PDE7B: variants seen among roughly 807,000 people sequenced by gnomAD.
PDE7B encodes the protein phosphodiesterase 7B.
In PDE7B, 29 loss-of-function variants were observed where a neutral mutation model predicts 56.2. That is an observed-to-expected ratio of 0.52 (90% CI 0.38 to 0.70). PDE7B has a LOEUF of 0.70. Ranked by LOEUF, PDE7B falls within the 30% of genes least tolerant of loss-of-function variation. The pLI is 0.00. For missense variants in PDE7B, 490 were observed against 565.0 expected, an observed-to-expected ratio of 0.87 and a Z score of 1.35; for synonymous variants, 197 against 196.9, an observed-to-expected ratio of 1.00 and a Z score of 0.00.
chr6:136,073,879 A>G (rs1408574574), intron 2 of PDE7B, among the ~76,000 whole-genome samples: 1 of 152,240 alleles, frequency 6.6e-6, no homozygotes, highest in Non-Finnish European at 1.5e-5. Context: ...TTGTGAAAGT[A>G]CAATGCGCAG....
At chr6:136,075,286 A>G (rs994676532) in intron 2 of PDE7B, among the ~76,000 whole-genome samples, 3 of 152,188 alleles carry the variant, frequency 2.0e-5, no homozygotes, top group African/African-American at 4.8e-5. Flanking sequence ...CTAATACTAT[A>G]TAAATTATTA....
chr6:136,022,116 T>C (rs1373704821), intron 2 of PDE7B, among the ~76,000 whole-genome samples: 1 of 152,242 alleles, frequency 6.6e-6, no homozygotes, highest in African/African-American at 2.4e-5. Flanking sequence ...CTCTGCCTGG[T>C]TGCCTTCTTG....
chr6:136,086,010 C>T (rs972438115), intron 2 of PDE7B, among the ~76,000 whole-genome samples: 1 of 152,140 alleles, frequency 6.6e-6, no homozygotes, highest in African/African-American at 2.4e-5. Context: ...CTTTATTGGC[C>T]AAGTTTTACA....
chr6:135,876,223 C>T (rs1259463424), intron 1 of PDE7B, among the ~76,000 whole-genome samples: 3 of 152,160 alleles, frequency 2.0e-5, no homozygotes, highest in Non-Finnish European at 4.4e-5. Flanking sequence ...TGTAGTACCC[C>T]ACCATGCCTA....
chr6:136,052,092 T>C (rs1443267601), intron 2 of PDE7B, among the ~76,000 whole-genome samples: 3 of 151,688 alleles, frequency 2.0e-5, no homozygotes, highest in Non-Finnish European at 4.4e-5. Flanking sequence ...GCACAATATC[T>C]ACCTATTTCC....
At chr6:135,853,437 T>C (rs1464413829) in intron 1 of PDE7B, among the ~76,000 whole-genome samples, 1 of 152,264 alleles carries the variant, frequency 6.6e-6, no homozygotes, top group Non-Finnish European at 1.5e-5. Context: ...TGCAAACGCA[T>C]AACTGCAGCT....
At chr6:135,931,272 A>G (rs1210591228) in intron 1 of PDE7B, among the ~76,000 whole-genome samples, 2 of 152,112 alleles carry the variant, frequency 1.3e-5, no homozygotes, top group African/African-American at 2.4e-5. Context: ...TTATTCCTCA[A>G]TTTCACCTAA....
chr6:136,047,195 T>C (rs974422788), intron 2 of PDE7B: 7 of 152,222 alleles, frequency 4.6e-5, no homozygotes, highest in African/African-American at 1.7e-4. Flanking sequence ...ACTACCACTC[T>C]TTCTCTGTCT....
chr6:136,015,091 A>G (rs1775955290), intron 2 of PDE7B, among the ~76,000 whole-genome samples: 1 of 152,240 alleles, frequency 6.6e-6, no homozygotes, highest in East Asian at 1.9e-4. Flanking sequence ...CACCAGAGCC[A>G]ATTCCATGAT....
At chr6:135,926,474 T>C (rs1010243057) in intron 1 of PDE7B, among the ~76,000 whole-genome samples, 1 of 150,770 alleles carries the variant, frequency 6.6e-6, no homozygotes, top group African/African-American at 2.4e-5. Flanking sequence ...GGTCTAATGG[T>C]ACTGAACTGC....
chr6:135,901,851 G>C (rs1423710762), intron 1 of PDE7B, among the ~76,000 whole-genome samples: 2 of 152,188 alleles, frequency 1.3e-5, no homozygotes, highest in African/African-American at 4.8e-5. Flanking sequence ...CAGACACAAT[G>C]ATTATTACAC....
chr6:136,175,281 C>G, intron 9 of PDE7B, among the ~76,000 whole-genome samples: 1 of 152,150 alleles, frequency 6.6e-6, no homozygotes, highest in East Asian at 1.9e-4. Flanking sequence ...TTATCATAAT[C>G]ATTATTATTC....
intron 2 of PDE7B, among the ~76,000 whole-genome samples, chr6:136,079,727 A>C (rs1583869750): frequency 2.4e-5 from 1 of 42,148 alleles, no homozygotes. Flanking sequence ...TTAGGAAGAC[A>C]AAAAAAAAAA....
Position 136,131,494 on chromosome 6 carries a change from G to GTTTTTT in PDE7B, c.167-15837_167-15832dup, listed in dbSNP as rs1201361799. On this transcript the variant is annotated intron_variant, in intron 3 of 12. Coordinates refer to ENST00000308191, the MANE Select transcript of PDE7B (RefSeq NM_018945.4). ...TATGCATCCCTGTGCATCCTGGCAG[G>GTTTTTT]TTTTTTTTTTTTTTTTTTTTTTTTT... 3.8e-4 allele frequency among the ~76,000 whole-genome samples: 32 copies of GTTTTTT among 84,710 alleles called. 1 individual carries two copies. Among genetic ancestry groups the GTTTTTT allele is most frequent in the African/African-American group, 7.6e-4 (16 of 21,128 alleles). The allele number at this position is 84,710 out of a possible 152,430, so 55.6% of individuals were successfully genotyped here.
chr6:136,039,673 C>T (rs1454536473), intron 2 of PDE7B, among the ~76,000 whole-genome samples: 3 of 151,934 alleles, frequency 2.0e-5, no homozygotes, highest in Non-Finnish European at 4.4e-5. Flanking sequence ...CTCCAGTAAA[C>T]AATGAGTCCT....
At chr6:136,020,060 A>G (rs1278608240) in intron 2 of PDE7B, among the ~76,000 whole-genome samples, 1 of 152,164 alleles carries the variant, frequency 6.6e-6, no homozygotes, top group East Asian at 1.9e-4. Flanking sequence ...CCAATCAGAG[A>G]TTCTGCTTGG....
intron 2 of PDE7B, among the ~76,000 whole-genome samples, chr6:135,986,596 T>C (rs1312068955): frequency 6.6e-6 from 1 of 152,208 alleles, no homozygotes. Context: ...CACATTTCGA[T>C]TCTAAATCTG....
At chr6:136,021,713 C>T (rs1195697228) in intron 2 of PDE7B, among the ~76,000 whole-genome samples, 5 of 151,946 alleles carry the variant, frequency 3.3e-5, no homozygotes, top group Non-Finnish European at 7.4e-5. Context: ...CTAGCCAATA[C>T]ATCATTTCTT....
intron 2 of PDE7B, among the ~76,000 whole-genome samples, chr6:136,045,395 A>G (rs1776485036): frequency 6.6e-6 from 1 of 152,202 alleles, no homozygotes; most frequent in African/African-American, 2.4e-5. Context: ...TGAAATTATA[A>G]AATTATTAGA....
Sources: allele counts gnomAD v4.1 joint callset (sites outside exome capture counted in the v4.1 genomes callset), GRCh38; gene constraint gnomAD v4.1.1; transcripts MANE v1.5; gene names NCBI Gene and HGNC (gene_info 2026-07-23, HGNC 2026-07-21).